Variants in ADD3 observed in about 807,000 individuals in gnomAD.
The protein encoded by ADD3 is gamma-adducin.
Under a neutral mutation model 80.2 loss-of-function variants are expected in ADD3, and 25 were observed. The observed-to-expected ratio is 0.31, with a 90% CI of 0.23 to 0.44. The LOEUF (loss-of-function observed/expected upper bound fraction) is 0.44. Among genes scored for constraint, ADD3 ranks in the 20% least tolerant of loss-of-function variants. The pLI, the probability that ADD3 is intolerant of heterozygous loss-of-function variation, is 1.00. For synonymous variants in ADD3, 284 were observed against 289.6 expected, an observed-to-expected ratio of 0.98 and a Z score of 0.20; for missense variants, 829 against 847.5, an observed-to-expected ratio of 0.98 and a Z score of 0.27.
In ADD3 at chr10:110,133,630, T is replaced by G; in HGVS notation, c.*12T>G. The G allele has an allele frequency of 6.5e-7, 1 of 1,537,182 alleles. No individual in the cohort carries two copies. Among genetic ancestry groups the G allele is most frequent in the South Asian group, 1.2e-5 (1 of 80,366 alleles). ...AAGTTGAGGCCTAAATAAAGTCTTT[T>G]TATAATTATTATTATAACAATGTGA... On this transcript the variant is annotated 3_prime_UTR_variant, in exon 15 of 15. Transcript: ENST00000356080.
chr10:110,079,700 T>G (rs1845845220), intron 1 of ADD3, among the ~76,000 whole-genome samples: 1 of 151,682 alleles, frequency 6.6e-6, no homozygotes, highest in African/African-American at 2.4e-5. Context: ...GGATAACAGC[T>G]CGGCTAATTT....
rs1362080932 is a variant in ADD3 at position 110,065,472 on chromosome 10, G to GTGTC, written c.-29-35147_-29-35144dup. Among the ~76,000 whole-genome samples, 18 of 93,702 alleles carry GTGTC rather than the reference G, an allele frequency of 1.9e-4. No homozygotes were observed. In the East Asian group the frequency reaches 4.2e-3, roughly 22 times the overall value. The allele number at this position is 93,702 out of a possible 152,430, so 61.5% of individuals were successfully genotyped here. ...GGACTTTACTAAAGTCTCTTAGTGT[G>GTGTC]TGTCTGTCTCTGTCTGTCTCTCTCT... On this transcript the variant is annotated intron_variant, in intron 1 of 14. Coordinates refer to ENST00000356080, the MANE Select transcript of ADD3 (RefSeq NM_016824.5).
chr10:110,000,446 G>A (rs543538749), intron 1 of ADD3, among the ~76,000 whole-genome samples: 1 of 152,302 alleles, frequency 6.6e-6, no homozygotes, highest in East Asian at 1.9e-4. Flanking sequence ...ATAGTGTGCT[G>A]ACGCAACCTG....
At chr10:110,120,848 T>C (rs1415419224) in intron 8 of ADD3, among the ~76,000 whole-genome samples, 1 of 152,086 alleles carries the variant, frequency 6.6e-6, no homozygotes, top group East Asian at 1.9e-4. Flanking sequence ...TAACGCCACA[T>C]ACCTACGACT....
At chr10:110,121,211 C>T (rs559528032) in intron 8 of ADD3, among the ~76,000 whole-genome samples, 1 of 152,184 alleles carries the variant, frequency 6.6e-6, no homozygotes, top group South Asian at 2.1e-4. Flanking sequence ...TGGCCAGGCA[C>T]GGTAGCTCAT....
chr10:110,082,124 T>C (rs1373539916), intron 1 of ADD3, among the ~76,000 whole-genome samples: 2 of 152,168 alleles, frequency 1.3e-5, no homozygotes, highest in Non-Finnish European at 2.9e-5. Flanking sequence ...GGAAATGCTG[T>C]TTTTCAATGT....
chr10:110,024,496 A>G (rs1235918513), intron 1 of ADD3, among the ~76,000 whole-genome samples: 1 of 152,236 alleles, frequency 6.6e-6, no homozygotes, highest in African/African-American at 2.4e-5. Context: ...TTGCATGCAC[A>G]GTTGACCATT....
chr10:110,046,599 A>G (rs57083723), intron 1 of ADD3, among the ~76,000 whole-genome samples: 1,621 of 152,260 alleles, frequency 0.011, 32 homozygotes, highest in African/African-American at 0.038. Flanking sequence ...ATGGAAAGCA[A>G]TGTTACAAGA....
At chr10:110,107,239 G>C (rs889311499) in intron 2 of ADD3, among the ~76,000 whole-genome samples, 3 of 152,096 alleles carry the variant, frequency 2.0e-5, no homozygotes, top group African/African-American at 7.2e-5. Flanking sequence ...AGTTCACAGT[G>C]AAGTGTAGAA....
chr10:110,002,965 C>T (rs1450077780), upstream of ADD3, among the ~76,000 whole-genome samples: 4 of 152,146 alleles, frequency 2.6e-5, no homozygotes, highest in Non-Finnish European at 4.4e-5. Context: ...AGCATGAATT[C>T]CGTGTTAGTC....
Position 110,124,061 on chromosome 10 carries a change from G to A in ADD3, c.1188G>A (p.Glu396=), listed in dbSNP as rs775666499. The A allele has an allele frequency of 6.2e-6, 10 of 1,614,056 alleles. No homozygotes were observed. The East Asian group carries it at 2.0e-4, about 32-fold the overall frequency. ...GYAYRHPLIR[E]KPRHKSDVEI... ...CTTACAGGCATCCTCTCATTCGAGA[G>A]AAGCCTAGGCACAAGAGTGATGTGG... Residue 396 remains glutamate (E), a synonymous_variant, in exon 10 of 15, where the codon GAG becomes GAA. Transcript: ENST00000356080.
At chr10:110,086,829 G>C (rs1282241341) in intron 1 of ADD3, among the ~76,000 whole-genome samples, 2 of 151,994 alleles carry the variant, frequency 1.3e-5, no homozygotes, top group Admixed American at 6.6e-5. Flanking sequence ...CATCAGAGTG[G>C]GAACAACTGC....
intron 1 of ADD3, among the ~76,000 whole-genome samples, chr10:110,074,809 T>C (rs1277992810): frequency 6.6e-6 from 1 of 152,078 alleles, no homozygotes; most frequent in Non-Finnish European, 1.5e-5. Context: ...GCTTCATGAG[T>C]TGCACACAAG....
chr10:110,118,887 A>G (rs1831428206), intron 6 of ADD3, 151 bp downstream of exon 6: 3 of 797,232 alleles, frequency 3.8e-6, no homozygotes, highest in African/African-American at 3.5e-5. Flanking sequence ...TTGGGACCAA[A>G]TGCTACCATT....
intron 1 of ADD3, among the ~76,000 whole-genome samples, chr10:110,074,423 G>T (rs73351023): frequency 0.078 from 11,914 of 152,152 alleles, 1,514 homozygotes; most frequent in African/African-American, 0.27. Flanking sequence ...CCCTAGTGGT[G>T]CCCAGAGTGA....
intron 2 of ADD3, among the ~76,000 whole-genome samples, chr10:110,102,003 C>T (rs1244993972): frequency 3.3e-5 from 5 of 152,048 alleles, no homozygotes; most frequent in Non-Finnish European, 7.4e-5. Flanking sequence ...AGAGGTAAGT[C>T]CAAAACCAAA....
intron 1 of ADD3, chr10:109,997,671 G>A (rs1038570295): frequency 6.6e-6 from 1 of 152,132 alleles, no homozygotes; most frequent in Non-Finnish European, 1.5e-5. Context: ...ACTATATTTG[G>A]GAATGCCATT....
intron 1 of ADD3, among the ~76,000 whole-genome samples, chr10:110,100,017 C>T (rs1848620076): frequency 6.6e-6 from 1 of 152,036 alleles, no homozygotes; most frequent in Non-Finnish European, 1.5e-5. Context: ...AGGCTCATGC[C>T]TGTAATCTTA....
At chr10:110,120,700 T>G (rs1194178627) in intron 8 of ADD3, among the ~76,000 whole-genome samples, 1 of 152,162 alleles carries the variant, frequency 6.6e-6, no homozygotes, top group Non-Finnish European at 1.5e-5. Flanking sequence ...AAGTCAATCC[T>G]AAGCCAAAAG....
Sources: allele counts gnomAD v4.1 joint callset (sites outside exome capture counted in the v4.1 genomes callset), GRCh38; gene constraint gnomAD v4.1.1; transcripts MANE v1.5; gene names NCBI Gene and HGNC (gene_info 2026-07-23, HGNC 2026-07-21).